The following EPHA5 variants were observed in gnomAD, a reference collection of about 807,000 sequenced individuals.
EPHA5 encodes EPH receptor A5.
In EPHA5, 60 loss-of-function variants were observed where a neutral mutation model predicts 105.0. The ratio of observed to expected loss-of-function variants is 0.57; its 90% confidence interval spans 0.46 to 0.71. EPHA5 has a LOEUF of 0.71. Ranked by LOEUF, EPHA5 falls within the 30% of genes least tolerant of loss-of-function variation. EPHA5 has a pLI of 0.00. For missense variants in EPHA5, 1,218 were observed against 1,274.7 expected (o/e 0.96, Z 0.68); for synonymous variants, 513 against 449.1 (o/e 1.14, Z -1.80).
At position 65,338,432 on chromosome 4, in the gene EPHA5, A is replaced by C. The variant is rs1006654696; in HGVS notation, c.2596-2307T>G. 3.3e-5 allele frequency among the ~76,000 whole-genome samples: 5 copies of C among 152,088 alleles called. No homozygotes were observed. The East Asian group carries it at 9.7e-4, about 29-fold the overall frequency. ...TATTTCATAATTTGCCCTTTCTCCA[A>C]AGCTGCTACCAATTAATTCGATTTT... On this transcript the variant is annotated intron_variant, in intron 14 of 16. Coordinates refer to ENST00000613740, the MANE Select transcript of EPHA5 (RefSeq NM_001281766.3).
intron 3 of EPHA5, among the ~76,000 whole-genome samples, chr4:65,577,257 T>C (rs1741151673): frequency 6.6e-6 from 1 of 152,196 alleles, no homozygotes; most frequent in East Asian, 1.9e-4. Context: ...TGTCAAAATT[T>C]GTATGAAAAG....
chr4:65,469,065 A>C (rs1729039383), intron 5 of EPHA5, among the ~76,000 whole-genome samples: 1 of 152,084 alleles, frequency 6.6e-6, no homozygotes, highest in East Asian at 1.9e-4. Context: ...GAACGGAGGA[A>C]GAGAAGTTTC....
intron 5 of EPHA5, among the ~76,000 whole-genome samples, chr4:65,472,910 C>T (rs1021087483): frequency 3.3e-5 from 5 of 152,186 alleles, no homozygotes; most frequent in South Asian, 4.1e-4. Context: ...GAATTTCTCC[C>T]GAGAAAATGG....
chr4:65,526,795 G>A (rs115025010), intron 3 of EPHA5, among the ~76,000 whole-genome samples: 26 of 151,842 alleles, frequency 1.7e-4, no homozygotes, highest in African/African-American at 4.4e-4. Context: ...ACAGTCTCAC[G>A]TCTACCTTCT....
intron 8 of EPHA5, among the ~76,000 whole-genome samples, chr4:65,371,353 A>G (rs1050831965): frequency 6.6e-6 from 1 of 152,058 alleles, no homozygotes; most frequent in African/African-American, 2.4e-5. Context: ...GAGAGATGCT[A>G]GATATATAAA....
chr4:65,367,589 C>G (rs1560460593), intron 8 of EPHA5, among the ~76,000 whole-genome samples, 165 bp from the exon 9 acceptor site: 1 of 151,954 alleles, frequency 6.6e-6, no homozygotes, highest in Non-Finnish European at 1.5e-5. Context: ...GACCTATGTC[C>G]CTAACCAGTG....
intron 10 of EPHA5, among the ~76,000 whole-genome samples, chr4:65,365,580 A>T (rs1717794526): frequency 6.8e-6 from 1 of 146,716 alleles, no homozygotes; most frequent in South Asian, 2.1e-4. Context: ...TATAGCTAGA[A>T]AAAAAGGAAA....
rs528797401 is a variant in EPHA5 at position 65,427,704 on chromosome 4, G to A, written c.1403-7139C>T. 3.9e-5 allele frequency among the ~76,000 whole-genome samples: 6 copies of A among 152,216 alleles called. No individual in the cohort carries two copies. The South Asian group carries it at 1.2e-3, about 32-fold the overall frequency. On this transcript the variant is annotated intron_variant, in intron 5 of 16. Coordinates refer to ENST00000613740, the MANE Select transcript of EPHA5 (RefSeq NM_001281766.3). ...AAGCTACAGTTATAGAATTTCCAGAGAAACATGGGAAATTACAAAACCTAC... is the reference window on the plus strand; with the variant it reads ...AAGCTACAGTTATAGAATTTCCAGAAAAACATGGGAAATTACAAAACCTAC...
intron 15 of EPHA5, among the ~76,000 whole-genome samples, chr4:65,333,703 A>G (rs1300079357): frequency 6.8e-6 from 1 of 147,776 alleles, no homozygotes; most frequent in Non-Finnish European, 1.5e-5. Context: ...TAACTCCACT[A>G]TAGACAATTT....
intron 3 of EPHA5, among the ~76,000 whole-genome samples, chr4:65,570,332 G>T (rs574685847): frequency 6.6e-6 from 1 of 151,716 alleles, no homozygotes; most frequent in Non-Finnish European, 1.5e-5. Flanking sequence ...TGAATTCAAG[G>T]CACTATTCCA....
chr4:65,402,321 T>C (rs1302802943), intron 8 of EPHA5, among the ~76,000 whole-genome samples: 1 of 152,168 alleles, frequency 6.6e-6, no homozygotes, highest in African/African-American at 2.4e-5. Context: ...ACAAAGTGTA[T>C]GGGTGACTTT....
At chr4:65,634,652 G>A (rs984424418) in intron 2 of EPHA5, among the ~76,000 whole-genome samples, 1 of 151,684 alleles carries the variant, frequency 6.6e-6, no homozygotes, top group Non-Finnish European at 1.5e-5. Flanking sequence ...CATTATATTG[G>A]CATTTGCATT....
intron 3 of EPHA5, among the ~76,000 whole-genome samples, chr4:65,511,137 T>G (rs1328445598): frequency 6.6e-6 from 1 of 152,138 alleles, no homozygotes; most frequent in Non-Finnish European, 1.5e-5. Context: ...CTCAGAACTG[T>G]GAGAAATAAA....
chr4:65,590,266 C>T (rs1291755174), intron 3 of EPHA5, among the ~76,000 whole-genome samples: 1 of 152,100 alleles, frequency 6.6e-6, no homozygotes, highest in Non-Finnish European at 1.5e-5. Flanking sequence ...GAAAGCATAT[C>T]AACAAATCAC....
intron 16 of EPHA5, among the ~76,000 whole-genome samples, chr4:65,328,230 G>A (rs1424154244): frequency 6.6e-6 from 1 of 151,026 alleles, no homozygotes; most frequent in African/African-American, 2.4e-5. Flanking sequence ...AACATAGTTT[G>A]GATTTTGTTG....
intron 5 of EPHA5, among the ~76,000 whole-genome samples, chr4:65,441,986 T>C (rs1726060735): frequency 6.6e-6 from 1 of 152,134 alleles, no homozygotes; most frequent in African/African-American, 2.4e-5. Context: ...CCATTTAATC[T>C]TCCAAATAAC....
chr4:65,514,891 C>G (rs935379025), intron 3 of EPHA5, among the ~76,000 whole-genome samples: 5 of 152,126 alleles, frequency 3.3e-5, no homozygotes, highest in African/African-American at 1.2e-4. Flanking sequence ...CCCTTGACCT[C>G]AACTCCAATA....
intron 5 of EPHA5, among the ~76,000 whole-genome samples, chr4:65,452,966 T>C (rs1032993885): frequency 6.6e-6 from 1 of 152,220 alleles, no homozygotes; most frequent in African/African-American, 2.4e-5. Flanking sequence ...CCATTTTCAC[T>C]GAGTAAAAGT....
chr4:65,365,275 TAGAC>T, intron 10 of EPHA5, 73 bp from the exon 11 acceptor site: 1 of 1,243,696 alleles, frequency 8.0e-7, no homozygotes, highest in East Asian at 2.4e-5. Context: ...TATGCCCTCT[TAGAC>T]TACTAAGGCT....
Sources: allele counts gnomAD v4.1 joint callset (sites outside exome capture counted in the v4.1 genomes callset), GRCh38; gene constraint gnomAD v4.1.1; transcripts MANE v1.5; gene names NCBI Gene and HGNC (gene_info 2026-07-23, HGNC 2026-07-21).